Variants in NRBP1 observed in about 807,000 individuals in gnomAD.
NRBP1 encodes nuclear receptor binding protein 1, also known as nuclear receptor-binding protein.
In NRBP1, 10 loss-of-function variants were observed where a neutral mutation model predicts 76.0. That is an observed-to-expected ratio of 0.13 (90% CI 0.08 to 0.22). The LOEUF is 0.22. NRBP1 is among the 10% of genes least tolerant of loss of function. The pLI is 1.00. For missense variants in NRBP1, 344 were observed against 646.0 expected (o/e 0.53, Z 5.07); for synonymous variants, 235 against 240.2 (o/e 0.98, Z 0.20).
Position 27,436,886 on chromosome 2 carries a change from C to T in NRBP1, c.745+50C>T, listed in dbSNP as rs202125671. The T allele has an allele frequency of 1.5e-5, 24 of 1,549,068 alleles. 1 individual carries two copies. In the South Asian group the frequency reaches 2.2e-4, roughly 14 times the overall value. The stretch of plus-strand genomic sequence containing the variant: ...CTGTCCTCATCCCCCTGCTTTTGCA[C>T]CTTATAACTTGAGGTACAGAGGCAA... On this transcript the variant is annotated intron_variant, in intron 8 of 17. Coordinates refer to ENST00000379852, the MANE Select transcript of NRBP1 (RefSeq NM_013392.4).
At position 27,441,309 on chromosome 2, in the gene NRBP1, C is replaced by T; in HGVS notation, c.1426C>T (p.Leu476=). The T allele has an allele frequency of 1.2e-6, 2 of 1,614,090 alleles. No individual in the cohort carries two copies. Among genetic ancestry groups the T allele is most frequent in the Non-Finnish European group, 1.7e-6 (2 of 1,180,020 alleles). ...GTTGGAGGACAAACTGAACCGGCACCTGAGCTGTGACCTGATGCCAAGTGA... is the reference window on the plus strand; with the variant it reads ...GTTGGAGGACAAACTGAACCGGCACTTGAGCTGTGACCTGATGCCAAGTGA... The part of the protein sequence containing the change: ...LKLEDKLNRH[L]SCDLMPNENI... Residue 476 remains leucine, a synonymous_variant, in exon 16 of 18, where the codon CTG becomes TTG. Coordinates refer to ENST00000379852, the MANE Select transcript of NRBP1 (RefSeq NM_013392.4).
At chr2:27,428,517 G>T (rs1663952653), upstream of NRBP1, 1 of 395,480 alleles carries the variant, frequency 2.5e-6, no homozygotes, top group Non-Finnish European at 4.5e-6. Flanking sequence ...CCACCCCAGC[G>T]AACGCCCGAG....
In NRBP1 at chr2:27,441,781, T is replaced by A. The variant is rs1664582516; in HGVS notation, c.1577T>A (p.Leu526His). Reference sequence around the variant, plus strand: ...TTCAATTTTGCCAGGAACAGTACCCTCAACTCAGCCGCTGTCACCGTCTCC... The same window carrying A: ...TTCAATTTTGCCAGGAACAGTACCCACAACTCAGCCGCTGTCACCGTCTCC... ...NKFNFARNST[L>H]NSAAVTVSS The change falls in exon 18 of 18, where the codon CTC (leucine) becomes CAC (histidine). Residue 526 changes from leucine to histidine, a missense_variant. Leu to His is a moderately conservative substitution (Grantham distance 99, BLOSUM62 -3). Transcript: ENST00000379852. The A allele has an allele frequency of 1.9e-6, 3 of 1,613,444 alleles. No individual in the cohort carries two copies. Among genetic ancestry groups the A allele is most frequent in the Non-Finnish European group, 2.5e-6 (3 of 1,179,538 alleles).
In NRBP1 at chr2:27,441,810, T is replaced by TA; in HGVS notation, c.1607dup (p.Ter536=). 6.2e-7 allele frequency: 1 copy of TA among 1,604,148 alleles called. No homozygotes were observed. The highest frequency in any genetic ancestry group is 2.2e-5 in the East Asian group (1 of 44,834). Residue 536 remains the stop codon, a frameshift_variant and stop_retained_variant, in exon 18 of 18, where the codon TAG becomes TAAG. Transcript: ENST00000379852. LOFTEE classifies it high-confidence loss of function. ...CTCAGCCGCTGTCACCGTCTCCTCT[T>TA]AGAGCTCACTCGGGCCAGGCCCTGA... ...LNSAAVTVSS[*]
intron 10 of NRBP1, 71 bp downstream of exon 10, chr2:27,437,431 C>T (rs1558337472): frequency 8.0e-6 from 9 of 1,131,218 alleles, no homozygotes; most frequent in Non-Finnish European, 1.1e-5. Flanking sequence ...TCCTTTGTAC[C>T]CACTGGGTAT....
chr2:27,439,312 C>T (rs1434080754), intron 10 of NRBP1, among the ~76,000 whole-genome samples: 2 of 151,746 alleles, frequency 1.3e-5, no homozygotes, highest in South Asian at 2.1e-4. Context: ...ATGGTGAAAC[C>T]GTCTCTACTG....
intron 1 of NRBP1, among the ~76,000 whole-genome samples, chr2:27,430,478 T>TA (rs61609483): frequency 8.7e-5 from 12 of 137,810 alleles, no homozygotes; most frequent in South Asian, 2.2e-4. Flanking sequence ...TCTTTTTTTT[T>TA]TTTTTTTTGA....
At chr2:27,438,165 G>C (rs977788438) in intron 10 of NRBP1, among the ~76,000 whole-genome samples, 2 of 144,344 alleles carry the variant, frequency 1.4e-5, no homozygotes, top group South Asian at 2.2e-4. Context: ...GGGCAAGAGA[G>C]CGAGACTGTC....
rs1035981161 is a variant in NRBP1, at chr2:27,439,679, CT to C, written c.904-85del. The stretch of plus-strand genomic sequence containing the variant: ...GCTGAGCACCTACTATGTACAAAGC[CT>C]TGTGCTAAGTAGAATGAGAGCTATA... On this transcript the variant is annotated intron_variant, in intron 10 of 17. Coordinates refer to ENST00000379852, the MANE Select transcript of NRBP1 (RefSeq NM_013392.4). 9 of 1,513,256 alleles carry C rather than the reference CT, an allele frequency of 5.9e-6. No homozygotes were observed. The African/African-American group carries it at 1.2e-4, about 21-fold the overall frequency. 93.7% of individuals were successfully genotyped at this position (1,513,256 alleles called of 1,614,324 possible).
At chr2:27,437,201 G>A (rs1664340952) in intron 9 of NRBP1, 61 bp from the exon 10 acceptor site, 3 of 1,572,486 alleles carry the variant, frequency 1.9e-6, no homozygotes, top group African/African-American at 1.3e-5. Context: ...TGGAGGGAGT[G>A]ATTGTGGGAG....
intron 11 of NRBP1, 101 bp downstream of exon 11, chr2:27,439,999 T>A: frequency 4.1e-6 from 1 of 244,966 alleles, no homozygotes; most frequent in South Asian, 8.7e-5. Flanking sequence ...GGGATTCTTT[T>A]TTTTTTTTTT....
chr2:27,434,082 A>G lies in NRBP1; in HGVS notation c.427A>G (p.Lys143Glu). The G allele has an allele frequency of 6.2e-7, 1 of 1,612,756 alleles. No individual in the cohort carries two copies. The highest frequency in any genetic ancestry group is 8.5e-7 in the Non-Finnish European group (1 of 1,178,932). Residue 143 changes from lysine to glutamate, a missense_variant, in exon 4 of 18, where the codon AAG (lysine) becomes GAG (glutamate). Lys to Glu is a moderately conservative substitution (Grantham distance 56). This residue lies in a region of NRBP1 where 73 missense variants were observed against 287.8 expected (regional missense o/e 0.25). Coordinates refer to ENST00000379852, the MANE Select transcript of NRBP1 (RefSeq NM_013392.4). The stretch of plus-strand genomic sequence containing the variant: ...ATATTGGGCTGACATTAAAGAGAAC[A>G]AGGCCAGGGTAAGAATTTTTTCCCC... The part of the protein sequence containing the change: ...HKYWADIKEN[K>E]ARVIFITEYM...
At position 27,439,840 on chromosome 2, in the gene NRBP1, A is replaced by G. The variant is rs1161091920; in HGVS notation, c.978A>G (p.Ala326=). 1 of 1,613,988 alleles carries G rather than the reference A, an allele frequency of 6.2e-7. No individual in the cohort carries two copies. The highest frequency in any genetic ancestry group is 1.3e-5 in the African/African-American group (1 of 74,884). ...PTARELLFHP[A]LFEVPSLKLL... ...CCAGAGAACTTCTGTTCCACCCAGC[A>G]TTGTTTGAAGTGCCCTCGCTCAAAC... The change falls in exon 11 of 18, where the codon GCA becomes GCG. Residue 326 remains alanine (A), a synonymous_variant. Transcript: ENST00000379852.
intron 1 of NRBP1, among the ~76,000 whole-genome samples, chr2:27,431,161 G>A (rs911016421): frequency 1.3e-5 from 2 of 152,164 alleles, no homozygotes; most frequent in Admixed American, 6.5e-5. Context: ...TTAGCTGGGT[G>A]TGGTGGCACG....
At position 27,434,442 on chromosome 2, in the gene NRBP1, G is replaced by T. The variant is rs113950313; in HGVS notation, c.436-29G>T. On this transcript the variant is annotated intron_variant, in intron 4 of 17. Coordinates refer to ENST00000379852, the MANE Select transcript of NRBP1 (RefSeq NM_013392.4). The stretch of plus-strand genomic sequence containing the variant: ...GGGAAGGGATCATTTCTACTATAAG[G>T]CCTTTTAGTAAGTGCTTTGCCTCCC... 7 of 1,431,072 alleles carry T rather than the reference G, an allele frequency of 4.9e-6. No individual in the cohort carries two copies. The African/African-American group carries it at 8.5e-5, about 17-fold the overall frequency. 88.6% of individuals were successfully genotyped at this position (1,431,072 alleles called of 1,614,324 possible).
intron 1 of NRBP1, 60 bp downstream of exon 1, chr2:27,428,791 C>T: frequency 5.0e-6 from 2 of 397,854 alleles, no homozygotes; most frequent in Non-Finnish European, 4.4e-6. Context: ...ACGGAAGGAT[C>T]GGCCTCCGAG....
In NRBP1 at chr2:27,441,424, A is replaced by G. The variant is rs1228313874; in HGVS notation, c.1447+94A>G. On this transcript the variant is annotated intron_variant, in intron 16 of 17. Coordinates refer to ENST00000379852, the MANE Select transcript of NRBP1 (RefSeq NM_013392.4). ...GTGGGGGAGGTGACAAGGCAGTAAC[A>G]CATTGACTCACATAGAATGACTATC... 3 of 1,406,268 alleles carry G rather than the reference A, an allele frequency of 2.1e-6. No homozygotes were observed. The African/African-American group carries it at 4.2e-5, about 20-fold the overall frequency. The allele number at this position is 1,406,268 out of a possible 1,614,324, so 87.1% of individuals were successfully genotyped here.
intron 6 of NRBP1, 62 bp downstream of exon 6, chr2:27,434,824 T>A (rs981143353): frequency 1.2e-4 from 174 of 1,486,720 alleles, no homozygotes; most frequent in Non-Finnish European, 1.5e-4. Flanking sequence ...CAAACAGATT[T>A]CAGGGCACTA....
chr2:27,433,796 G>A lies in NRBP1; in HGVS notation c.333+1G>A. The A allele has an allele frequency of 6.2e-7, 1 of 1,614,184 alleles. No homozygotes were observed. The highest frequency in any genetic ancestry group is 8.5e-7 in the Non-Finnish European group (1 of 1,180,020). On this transcript the variant is annotated splice_donor_variant, in intron 3 of 17. Transcript: ENST00000379852. LOFTEE classifies it high-confidence loss of function. Reference sequence around the variant, plus strand: ...ACGCAAGAACTACAAGCTGCAGGAGGTAGGTGATGCTGAAAAGGTGAAGCC... The same window carrying A: ...ACGCAAGAACTACAAGCTGCAGGAGATAGGTGATGCTGAAAAGGTGAAGCC...
Sources: gnomAD v4.1 joint callset for allele counts (sites outside exome capture counted in the v4.1 genomes callset) on GRCh38, gnomAD v4.1.1 for gene constraint, gnomAD v4.1.1 regional missense constraint, MANE v1.5 for transcripts, NCBI Gene and HGNC (gene_info 2026-07-23, HGNC 2026-07-21) for gene names.